The following SYNE2 variants were observed in gnomAD, a reference collection of about 807,000 sequenced individuals.
SYNE2 encodes the protein spectrin repeat containing nuclear envelope protein 2, also known as nesprin-2.
SYNE2 carries 431 observed loss-of-function variants against 856.3 expected under a neutral mutation model. That is an observed-to-expected ratio of 0.50 (90% CI 0.47 to 0.55). The LOEUF is 0.55. Ranked by LOEUF, SYNE2 falls within the 20% of genes least tolerant of loss-of-function variation. The pLI is 0.00. For missense variants in SYNE2, 8,129 were observed against 8,023.2 expected (o/e 1.01, Z -0.50); for synonymous variants, 2,923 against 2,872.3 (o/e 1.02, Z -0.56).
chr14:63,969,407 C>T (rs948605624), intron 11 of SYNE2, among the ~76,000 whole-genome samples: 11 of 139,174 alleles, frequency 7.9e-5, no homozygotes, highest in Non-Finnish European at 1.7e-4. Context: ...GGGGTGCAAT[C>T]TCGGCTCACT....
chr14:63,848,892 T>G (rs780462965), upstream of SYNE2, among the ~76,000 whole-genome samples: 6 of 152,228 alleles, frequency 3.9e-5, no homozygotes, highest in Non-Finnish European at 8.8e-5. Flanking sequence ...CCTTTTAATT[T>G]TTCCTCAATC....
At chr14:64,198,352 C>T (rs1029350000) in intron 99 of SYNE2, among the ~76,000 whole-genome samples, 1 of 152,200 alleles carries the variant, frequency 6.6e-6, no homozygotes, top group Non-Finnish European at 1.5e-5. Context: ...CAAGGCCCAA[C>T]AATGTGGAGG....
chr14:64,139,912 T>C (rs1294040114), intron 79 of SYNE2, 29 bp from the exon 80 acceptor site: 7 of 1,613,474 alleles, frequency 4.3e-6, no homozygotes, highest in Non-Finnish European at 4.2e-6. Flanking sequence ...GTTTCTAATC[T>C]GCCTTCTCTC....
chr14:64,154,323 A>T lies in SYNE2; in HGVS notation c.15792+1607A>T, dbSNP rs536320371. On this transcript the variant is annotated intron_variant, in intron 85 of 115. Transcript: ENST00000555002. ...TCAAAGAAAAAAATAGATACATTGGACTTCATCAAAACTAAACACCTTGAT... is the reference window on the plus strand; with the variant it reads ...TCAAAGAAAAAAATAGATACATTGGTCTTCATCAAAACTAAACACCTTGAT... 1.5e-4 allele frequency among the ~76,000 whole-genome samples: 23 copies of T among 152,324 alleles called. No homozygotes were observed. In the South Asian group the frequency reaches 4.8e-3, roughly 32 times the overall value.
chr14:64,170,648 C>T (rs1319565902), intron 94 of SYNE2, among the ~76,000 whole-genome samples, 186 bp downstream of exon 94: 16 of 152,032 alleles, frequency 1.1e-4, no homozygotes, highest in Admixed American at 6.6e-4. Context: ...GTTGGAAACC[C>T]GATATTACCC....
Position 64,219,426 on chromosome 14 carries a change from G to T in SYNE2, c.19860+16G>T, listed in dbSNP as rs762455158. The T allele has an allele frequency of 1.9e-6, 3 of 1,613,070 alleles. No individual in the cohort carries two copies. Among genetic ancestry groups the T allele is most frequent in the Non-Finnish European group, 2.5e-6 (3 of 1,179,206 alleles). On this transcript the variant is annotated intron_variant, in intron 110 of 115. Coordinates refer to ENST00000555002, the MANE Select transcript of SYNE2 (RefSeq NM_182914.3). ...GAGACTGCAGGTGAGTTAGAGGTGT[G>T]GTGGGGAAGAGGGATTCAGAATGTG...
intron 87 of SYNE2, 33 bp downstream of exon 87, chr14:64,159,475 A>C: frequency 6.2e-7 from 1 of 1,609,370 alleles, no homozygotes; most frequent in Non-Finnish European, 8.5e-7. Context: ...AATGATAGAT[A>C]TCTTTATCTT....
At chr14:64,081,862 G>A (rs1323393474) in intron 57 of SYNE2, among the ~76,000 whole-genome samples, 3 of 151,906 alleles carry the variant, frequency 2.0e-5, no homozygotes, top group Non-Finnish European at 2.9e-5. Flanking sequence ...GAATGTGGGC[G>A]GATCACAAGG....
chr14:63,839,643 C>G (rs2139922908), intron 1 of SYNE2, among the ~76,000 whole-genome samples: 1 of 152,104 alleles, frequency 6.6e-6, no homozygotes, highest in South Asian at 2.1e-4. Flanking sequence ...TGCAGTGAGC[C>G]AAGATCACAC....
intron 1 of SYNE2, among the ~76,000 whole-genome samples, chr14:63,867,455 T>G (rs564101903): frequency 5.3e-5 from 8 of 150,192 alleles, no homozygotes; most frequent in Non-Finnish European, 1.2e-4. Context: ...CCCAGCACTT[T>G]GGGAGGCCGA....
intron 48 of SYNE2, among the ~76,000 whole-genome samples, chr14:64,054,698 G>A (rs1402505371): frequency 2.0e-5 from 3 of 152,132 alleles, no homozygotes; most frequent in Non-Finnish European, 2.9e-5. Flanking sequence ...GGAAAGTGAC[G>A]CCAACACACT....
intron 1 of SYNE2, among the ~76,000 whole-genome samples, chr14:63,810,020 A>G (rs1888553989): frequency 6.6e-6 from 1 of 152,134 alleles, no homozygotes; most frequent in Non-Finnish European, 1.5e-5. Flanking sequence ...GCCAGGGTTC[A>G]AAATCAGCCT....
At chr14:63,954,027 C>A (rs914093639) in intron 7 of SYNE2, among the ~76,000 whole-genome samples, 29 of 152,294 alleles carry the variant, frequency 1.9e-4, no homozygotes, top group African/African-American at 7.0e-4. Flanking sequence ...GATCCTCCCG[C>A]CTCAGCCTCC....
At chr14:63,989,273 A>G (rs926148660) in intron 19 of SYNE2, among the ~76,000 whole-genome samples, 2 of 152,186 alleles carry the variant, frequency 1.3e-5, no homozygotes, top group Non-Finnish European at 2.9e-5. Flanking sequence ...TTATGCAGTC[A>G]TGTCTATCCC....
At chr14:64,116,623 C>T (rs2097855583) in intron 66 of SYNE2, among the ~76,000 whole-genome samples, 1 of 152,172 alleles carries the variant, frequency 6.6e-6, no homozygotes, top group Non-Finnish European at 1.5e-5. Context: ...CCCATGTTGG[C>T]CAGGGTGATC....
intron 1 of SYNE2, among the ~76,000 whole-genome samples, chr14:63,799,094 T>C (rs1176046322): frequency 6.6e-6 from 1 of 152,218 alleles, no homozygotes; most frequent in Non-Finnish European, 1.5e-5. Flanking sequence ...GTTTTGTTTT[T>C]ATGAGACAGA....
At position 64,158,784 on chromosome 14, in the gene SYNE2, G is replaced by T; in HGVS notation, c.15952G>T (p.Glu5318Ter). 6.2e-7 allele frequency: 1 copy of T among 1,613,868 alleles called. No individual in the cohort carries two copies. Among genetic ancestry groups the T allele is most frequent in the South Asian group, 1.1e-5 (1 of 91,066 alleles). Residue 5318 changes from glutamate to a stop codon, truncating the protein, a stop_gained, in exon 86 of 116, where the codon GAG becomes TAG. Transcript: ENST00000555002. LOFTEE classifies it high-confidence loss of function. ...LSLETLRCQVENLQSLQDEAE... is the reference protein window; with the variant it reads ...LSLETLRCQV ...ATTGGAGACCTTGAGATGCCAGGTG[G>T]AGAACCTTCAGGTAAATTAACCAGA... is the stretch of plus-strand genomic sequence containing the variant.
chr14:64,190,178 T>A lies in SYNE2; in HGVS notation c.17979T>A (p.Asp5993Glu). The A allele has an allele frequency of 1.2e-6, 2 of 1,614,110 alleles. No individual in the cohort carries two copies. The highest frequency in any genetic ancestry group is 2.2e-5 in the South Asian group (2 of 91,078). The change falls in exon 99 of 116, where the codon GAT becomes GAA. Residue 5993 changes from aspartate to glutamate, a missense_variant. Physicochemically the swap from Asp to Glu is conservative, Grantham distance 45. This residue lies in a region of SYNE2 where 5,410 missense variants were observed against 5,284.8 expected (regional missense o/e 1.02). Coordinates refer to ENST00000555002, the MANE Select transcript of SYNE2 (RefSeq NM_182914.3). ...ACAAATCAAGAGCAGCTGAGATCGA[T>A]GACAAGCTCAACAAAATTAACGATC... The part of the protein sequence containing the change: ...ASNKSRAAEI[D>E]DKLNKINDRW...
chr14:63,989,671 A>G (rs1429471408), intron 19 of SYNE2, among the ~76,000 whole-genome samples: 1 of 149,840 alleles, frequency 6.7e-6, no homozygotes, highest in East Asian at 2.0e-4. Context: ...ATTTTTTGAG[A>G]TGGAGTTTCA....
Sources: allele counts gnomAD v4.1 joint callset (sites outside exome capture counted in the v4.1 genomes callset), GRCh38; gene constraint gnomAD v4.1.1; regional missense constraint gnomAD v4.1.1; transcripts MANE v1.5; gene names NCBI Gene and HGNC (gene_info 2026-07-23, HGNC 2026-07-21).